The following TSHZ2 variants were observed in gnomAD, a reference collection of about 807,000 sequenced individuals.
TSHZ2 encodes the protein teashirt homolog 2.
TSHZ2 carries 21 observed loss-of-function variants against 74.4 expected under a neutral mutation model. That is an observed-to-expected ratio of 0.28 (90% CI 0.20 to 0.41). TSHZ2 has a LOEUF of 0.41. TSHZ2 is among the 10% of genes least tolerant of loss of function. TSHZ2 has a pLI of 1.00. For synonymous variants in TSHZ2, 540 were observed against 515.3 expected, an observed-to-expected ratio of 1.05 and a Z score of -0.65; for missense variants, 1,244 against 1,293.5, an observed-to-expected ratio of 0.96 and a Z score of 0.59.
chr20:53,288,499 C>T (rs1386279027), intron 2 of TSHZ2, among the ~76,000 whole-genome samples: 1 of 151,906 alleles, frequency 6.6e-6, no homozygotes, highest in Admixed American at 6.6e-5. Context: ...AGTTTTCTCA[C>T]ATCTGTGTTT....
At chr20:53,462,802 T>A (rs1286916289) in intron 2 of TSHZ2, among the ~76,000 whole-genome samples, 3 of 151,968 alleles carry the variant, frequency 2.0e-5, no homozygotes, top group Admixed American at 1.3e-4. Flanking sequence ...CACCAGGAGG[T>A]CACATGAGCC....
At chr20:53,102,134 T>C (rs1490621803) in intron 1 of TSHZ2, among the ~76,000 whole-genome samples, 1 of 152,134 alleles carries the variant, frequency 6.6e-6, no homozygotes, top group Non-Finnish European at 1.5e-5. Flanking sequence ...CCCTCTAGAA[T>C]TGTATTTTGA....
intron 1 of TSHZ2, among the ~76,000 whole-genome samples, chr20:53,183,719 T>C (rs1988535073): frequency 6.6e-6 from 1 of 152,194 alleles, no homozygotes; most frequent in African/African-American, 2.4e-5. Flanking sequence ...AGGGACCTGA[T>C]TTCCTGAAAT....
intron 1 of TSHZ2, among the ~76,000 whole-genome samples, chr20:52,990,956 A>G (rs1981962214): frequency 6.6e-6 from 1 of 152,126 alleles, no homozygotes; most frequent in South Asian, 2.1e-4. Flanking sequence ...CACTGTATGT[A>G]TATTTTGATT....
chr20:52,994,240 C>T (rs997979700), intron 1 of TSHZ2, among the ~76,000 whole-genome samples: 3 of 152,232 alleles, frequency 2.0e-5, no homozygotes, highest in Non-Finnish European at 1.5e-5. Flanking sequence ...CCCAGAATAA[C>T]GTCCGGAAGA....
chr20:53,208,078 A>T (rs1228652051), intron 1 of TSHZ2, among the ~76,000 whole-genome samples: 1 of 152,096 alleles, frequency 6.6e-6, no homozygotes, highest in Non-Finnish European at 1.5e-5. Context: ...ACATAGATGC[A>T]AATATCTTTG....
At chr20:53,144,404 C>CTTGGAGG (rs1987487068) in intron 1 of TSHZ2, among the ~76,000 whole-genome samples, 1 of 152,164 alleles carries the variant, frequency 6.6e-6, no homozygotes, top group African/African-American at 2.4e-5. Context: ...ACAATGACAG[C>CTTGGAGG]TTGGAGGTTA....
At chr20:53,435,570 G>A (rs1045669930) in intron 2 of TSHZ2, among the ~76,000 whole-genome samples, 8 of 152,340 alleles carry the variant, frequency 5.3e-5, no homozygotes, top group South Asian at 2.1e-4. Context: ...CTGGAGTGCA[G>A]TGGCGCGATC....
At chr20:53,469,667 AGGAAGGAAGGAAGGAAGGAC>A in intron 2 of TSHZ2, among the ~76,000 whole-genome samples, 4 of 84,862 alleles carry the variant, frequency 4.7e-5, no homozygotes, top group Admixed American at 2.4e-4. Context: ...GAAGGAAGGA[AGGAAGGAAGGAAGGAAGGAC>A]GGACCCAAGA....
chr20:53,074,057 G>T lies in TSHZ2; in HGVS notation c.40+100724G>T, dbSNP rs1443742972. On this transcript the variant is annotated intron_variant, in intron 1 of 2. Coordinates refer to ENST00000371497, the MANE Select transcript of TSHZ2 (RefSeq NM_173485.6). The surrounding 1 kb of genome is among the most constrained non-coding windows in gnomAD (Gnocchi z 5.9). ...TGCAGTGAAAAGAAACTAAAAAACTGACTTCGCAATTCTAGCATTGTAAAA... is the reference window on the plus strand; with the variant it reads ...TGCAGTGAAAAGAAACTAAAAAACTTACTTCGCAATTCTAGCATTGTAAAA... Among the ~76,000 whole-genome samples, 1 of 152,118 alleles carries T rather than the reference G, an allele frequency of 6.6e-6. No homozygotes were observed. The highest frequency in any genetic ancestry group is 2.4e-5 in the African/African-American group (1 of 41,424).
At chr20:53,377,681 A>C (rs1297263676) in intron 2 of TSHZ2, among the ~76,000 whole-genome samples, 1 of 149,194 alleles carries the variant, frequency 6.7e-6, no homozygotes, top group Admixed American at 6.8e-5. Flanking sequence ...GCAACACGGC[A>C]AAACCCCATA....
At chr20:53,222,786 A>T (rs1292938079) in intron 1 of TSHZ2, among the ~76,000 whole-genome samples, 1 of 152,216 alleles carries the variant, frequency 6.6e-6, no homozygotes, top group African/African-American at 2.4e-5. Flanking sequence ...CCCAGGTGGG[A>T]TCCAATCAAA....
At chr20:53,260,881 T>G (rs1369880522) in intron 2 of TSHZ2, among the ~76,000 whole-genome samples, 3 of 152,194 alleles carry the variant, frequency 2.0e-5, no homozygotes, top group Non-Finnish European at 4.4e-5. Flanking sequence ...CAACTCTAAC[T>G]AATTAATAAT....
chr20:53,204,831 C>G (rs1167341612), intron 1 of TSHZ2, among the ~76,000 whole-genome samples: 1 of 151,964 alleles, frequency 6.6e-6, no homozygotes, highest in African/African-American at 2.4e-5. Flanking sequence ...CCTGTAATCC[C>G]AGCACTTTGG....
rs574038173 is a variant in TSHZ2 at position 53,248,437 on chromosome 20, A to C, written c.41-5062A>C. On this transcript the variant is annotated intron_variant, in intron 1 of 2. Coordinates refer to ENST00000371497, the MANE Select transcript of TSHZ2 (RefSeq NM_173485.6). ...AAATAAAATATAAGGGTTTATTTCTAATTTTTACCCACATACTATTAGGGT... is the reference window on the plus strand; with the variant it reads ...AAATAAAATATAAGGGTTTATTTCTCATTTTTACCCACATACTATTAGGGT... Among the ~76,000 whole-genome samples the C allele has an allele frequency of 2.6e-5, 4 of 152,252 alleles. No individual in the cohort carries two copies. The South Asian group carries it at 8.3e-4, about 32-fold the overall frequency.
intron 2 of TSHZ2, among the ~76,000 whole-genome samples, chr20:53,322,276 G>A (rs184386421): frequency 1.3e-4 from 20 of 152,306 alleles, no homozygotes; most frequent in Admixed American, 1.2e-3. Flanking sequence ...ACTTTGGGAC[G>A]CCAAGGCGGG....
intron 2 of TSHZ2, among the ~76,000 whole-genome samples, chr20:53,441,359 G>A (rs6022473): frequency 0.16 from 24,322 of 150,666 alleles, 2,089 homozygotes; most frequent in East Asian, 0.31. Context: ...TCCACCTCCT[G>A]GGTTCCCGCC....
chr20:53,106,535 G>A (rs6126756), intron 1 of TSHZ2, among the ~76,000 whole-genome samples: 9,872 of 149,920 alleles, frequency 0.066, 759 homozygotes, highest in East Asian at 0.35. Context: ...CTCCTGAGTA[G>A]CTGGGACTAC....
At chr20:53,461,115 C>A (rs1475822449) in intron 2 of TSHZ2, among the ~76,000 whole-genome samples, 4 of 152,080 alleles carry the variant, frequency 2.6e-5, no homozygotes, top group African/African-American at 9.7e-5. Flanking sequence ...CAAGCCTGGG[C>A]AATGGCGGGC....
Sources: gnomAD v4.1 joint callset for allele counts (sites outside exome capture counted in the v4.1 genomes callset) on GRCh38, gnomAD v4.1.1 for gene constraint, Gnocchi (gnomAD v3.1) non-coding constraint, MANE v1.5 for transcripts, NCBI Gene and HGNC (gene_info 2026-07-23, HGNC 2026-07-21) for gene names.